Variants in SMG1 observed in about 807,000 individuals in gnomAD.
SMG1 encodes SMG1 nonsense mediated mRNA decay associated PI3K related kinase, also known as serine/threonine-protein kinase SMG1.
SMG1 carries 22 observed loss-of-function variants against 419.9 expected under a neutral mutation model. That is an observed-to-expected ratio of 0.05 (90% CI 0.04 to 0.07). The LOEUF is 0.07. Among genes scored for constraint, SMG1 ranks in the 10% least tolerant of loss-of-function variants. The pLI, the probability that SMG1 is intolerant of heterozygous loss-of-function variation, is 1.00. For synonymous variants in SMG1, 1,538 were observed against 1,553.5 expected (o/e 0.99, Z 0.23); for missense variants, 3,185 against 4,342.0 (o/e 0.73, Z 7.49).
Position 18,836,114 on chromosome 16 carries a change from G to A in SMG1, c.7876C>T (p.Leu2626Phe), listed in dbSNP as rs765726542. Residue 2626 changes from leucine (L) to phenylalanine (F), a missense_variant, in exon 48 of 63, where the codon CTC (leucine) becomes TTC (phenylalanine). This residue lies in a region of SMG1 where 412 missense variants were observed against 546.6 expected (regional missense o/e 0.75). Coordinates refer to ENST00000446231, the MANE Select transcript of SMG1 (RefSeq NM_015092.5). ...AGCACGGAGCGCCTCTGCTGCAGGA[G>A]AGCACCAACCTCCCCCTCCAGCTGC... ...CEQLEGEVGA[L>F]LQQRRSVLRG... 5 of 1,609,562 alleles carry A rather than the reference G, an allele frequency of 3.1e-6. No individual in the cohort carries two copies. Among genetic ancestry groups the A allele is most frequent in the Non-Finnish European group, 4.2e-6 (5 of 1,177,956 alleles).
In SMG1 at chr16:18,834,972, T is replaced by C. The variant is rs775470863; in HGVS notation, c.8250A>G (p.Lys2750=). Residue 2750 remains lysine, a synonymous_variant, in exon 49 of 63, where the codon AAA becomes AAG. Transcript: ENST00000446231. ...CTTCTCCATTCTCATGAAGGAAAAC[T>C]TTAATGCAACGTTCAATTTCTTTCA... The part of the protein sequence containing the change: ...DQLKEIERCI[K]VFLHENGEEG... 16 of 1,613,916 alleles carry C rather than the reference T, an allele frequency of 9.9e-6. No individual in the cohort carries two copies. The Admixed American group carries it at 1.5e-4, about 15-fold the overall frequency.
chr16:18,850,292 A>C lies in SMG1; in HGVS notation c.5228T>G (p.Leu1743Arg). ...GTATGCACTGCAAGAGAGTTTGTAC[A>C]GGCTGAATATTCTATCTACAACTTT... ...WRKVVDRIFS[L>R]YKLSCSAYFT... is the part of the protein sequence containing the mutation. Residue 1743 changes from leucine to arginine, a missense_variant, in exon 34 of 63, where the codon CTG becomes CGG. Transcript: ENST00000446231. The C allele has an allele frequency of 6.2e-7, 1 of 1,613,678 alleles. No homozygotes were observed. The highest frequency in any genetic ancestry group is 8.5e-7 in the Non-Finnish European group (1 of 1,179,680).
At chr16:18,850,500 A>C in intron 33 of SMG1, 33 bp from the exon 34 acceptor site, 1 of 1,461,420 alleles carries the variant, frequency 6.8e-7, no homozygotes, top group Non-Finnish European at 9.5e-7. Flanking sequence ...ATGCTATTTT[A>C]AATACAAACT....
chr16:18,819,746 A>C, intron 55 of SMG1, 92 bp from the exon 56 acceptor site: 2 of 1,279,678 alleles, frequency 1.6e-6, no homozygotes, highest in Non-Finnish European at 1.0e-6. Context: ...AAGATTCAAA[A>C]GAACCAGGGT....
At chr16:18,923,210 A>C (rs575126271) in intron 1 of SMG1, among the ~76,000 whole-genome samples, 1 of 152,292 alleles carries the variant, frequency 6.6e-6, no homozygotes, top group South Asian at 2.1e-4. Context: ...TTGCCATAAG[A>C]CATTCACGTA....
intron 6 of SMG1, among the ~76,000 whole-genome samples, chr16:18,887,533 T>TTTTTTTTTTTTTTTTTA: frequency 7.0e-6 from 1 of 141,902 alleles, no homozygotes; most frequent in African/African-American, 2.6e-5. Context: ...TTTTTTTTTT[T>TTTTTTTTTTTTTTTTTA]AATAGAAACA....
intron 46 of SMG1, 112 bp from the exon 47 acceptor site, chr16:18,836,644 C>T: frequency 1.9e-6 from 2 of 1,038,726 alleles, no homozygotes; most frequent in South Asian, 1.6e-5. Flanking sequence ...TCCTTGTTCA[C>T]CTTGAGGGCC....
intron 23 of SMG1, among the ~76,000 whole-genome samples, chr16:18,865,190 G>A (rs1323959178): frequency 5.9e-5 from 9 of 152,164 alleles, no homozygotes; most frequent in African/African-American, 9.7e-5. Context: ...GAGAGGCCAC[G>A]AAGACATGAT....
chr16:18,848,082 TG>T lies in SMG1; in HGVS notation c.5624-50del, dbSNP rs1453439017. The T allele has an allele frequency of 6.0e-6, 9 of 1,489,860 alleles. No homozygotes were observed. The Admixed American group carries it at 1.5e-4, about 25-fold the overall frequency. The allele number at this position is 1,489,860 out of a possible 1,614,324, so 92.3% of individuals were successfully genotyped here. ...GAATATTTTGAACATTTCTCCCATG[TG>T]CATATGCTAGGTTAGGGAAAACACT... On this transcript the variant is annotated intron_variant, in intron 36 of 62. Coordinates refer to ENST00000446231, the MANE Select transcript of SMG1 (RefSeq NM_015092.5).
intron 39 of SMG1, among the ~76,000 whole-genome samples, chr16:18,844,502 C>T (rs1175161259): frequency 9.0e-6 from 1 of 111,140 alleles, no homozygotes; most frequent in Non-Finnish European, 1.8e-5. Flanking sequence ...CACACACACA[C>T]ACACACACAC....
At chr16:18,836,646 T>C in intron 46 of SMG1, 114 bp from the exon 47 acceptor site, 2 of 1,043,464 alleles carry the variant, frequency 1.9e-6, no homozygotes, top group East Asian at 2.4e-5. Context: ...CTTGTTCACC[T>C]TGAGGGCCCT....
In SMG1 at chr16:18,811,790, G is replaced by A. The variant is rs747808155; in HGVS notation, c.10879C>T (p.Pro3627Ser). 3 of 1,613,934 alleles carry A rather than the reference G, an allele frequency of 1.9e-6. No homozygotes were observed. The Admixed American group carries it at 5.0e-5, about 27-fold the overall frequency. ...TCAGCAACTGACATCCTCCTATTCGGATCAACATCTCGGCCCTCTAACTTG... is the reference window on the plus strand; with the variant it reads ...TCAGCAACTGACATCCTCCTATTCGAATCAACATCTCGGCCCTCTAACTTG... ...KAKLEGRDVDPNRRMSVAEQV... is the reference protein window; with the variant it reads ...KAKLEGRDVDSNRRMSVAEQV... Residue 3627 changes from proline (P) to serine (S), a missense_variant, in exon 62 of 63, where the codon CCG (proline) becomes TCG (serine). By Grantham distance (74) the Pro-to-Ser change is moderately conservative. This residue lies in a region of SMG1 where 41 missense variants were observed against 78.7 expected (regional missense o/e 0.52). Coordinates refer to ENST00000446231, the MANE Select transcript of SMG1 (RefSeq NM_015092.5).
intron 1 of SMG1, among the ~76,000 whole-genome samples, chr16:18,915,104 T>TG (rs2037921361): frequency 1.3e-5 from 2 of 152,032 alleles, no homozygotes; most frequent in Admixed American, 1.3e-4. Flanking sequence ...CCTGAATAGC[T>TG]GGGACTACAG....
At chr16:18,897,369 A>G (rs1462087153) in intron 1 of SMG1, among the ~76,000 whole-genome samples, 7 of 152,184 alleles carry the variant, frequency 4.6e-5, no homozygotes, top group African/African-American at 1.2e-4. Context: ...ATCAGTCAAA[A>G]AATTTCAGCC....
At chr16:18,840,917 G>T (rs2033879319) in intron 41 of SMG1, among the ~76,000 whole-genome samples, 1 of 152,086 alleles carries the variant, frequency 6.6e-6, no homozygotes, top group Non-Finnish European at 1.5e-5. Flanking sequence ...ATTTTTGGCT[G>T]GGTGTGGTGG....
Position 18,849,368 on chromosome 16 carries a change from C to T in SMG1, c.5472G>A (p.Pro1824=), listed in dbSNP as rs371596469. 1.1e-5 allele frequency: 18 copies of T among 1,609,590 alleles called. No individual in the cohort carries two copies. The African/African-American group carries it at 1.5e-4, about 13-fold the overall frequency. ...GGTGGTTTAAGCGTGAGAAAAGTTGCGGAATAATTCCTTCAGGACAAGAAG... is the reference window on the plus strand; with the variant it reads ...GGTGGTTTAAGCGTGAGAAAAGTTGTGGAATAATTCCTTCAGGACAAGAAG... ...TPTAPWRGII[P]QLFSRLNHPE... Residue 1824 remains proline, a synonymous_variant, in exon 36 of 63, where the codon CCG becomes CCA. Transcript: ENST00000446231.
At chr16:18,839,126 G>A (rs958575469) in intron 42 of SMG1, among the ~76,000 whole-genome samples, 2 of 152,118 alleles carry the variant, frequency 1.3e-5, no homozygotes, top group Admixed American at 1.3e-4. Context: ...GATTACAGAT[G>A]TGAGCCACTG....
At chr16:18,812,190 A>G (rs769393316) in intron 60 of SMG1, 63 bp from the exon 61 acceptor site, 3 of 1,517,492 alleles carry the variant, frequency 2.0e-6, no homozygotes, top group Non-Finnish European at 1.8e-6. Context: ...GGCAGAGTGG[A>G]GCAAGCACGG....
chr16:18,864,014 G>A lies in SMG1; in HGVS notation c.3481C>T (p.His1161Tyr), dbSNP rs949008929. 6.5e-7 allele frequency: 1 copy of A among 1,549,958 alleles called. No homozygotes were observed. The highest frequency in any genetic ancestry group is 8.7e-7 in the Non-Finnish European group (1 of 1,146,978). Residue 1161 changes from histidine to tyrosine, a missense_variant, in exon 24 of 63, where the codon CAT becomes TAT. By Grantham distance (83) the His-to-Tyr change is moderately conservative. Around this residue, in one of 27 missense-constraint regions of SMG1, gnomAD observed 121 missense variants for 125.4 expected, o/e 0.96. Transcript: ENST00000446231. ...ACTGAACGCTCACCATTCAGAGAATGTTTCGGGCTGGCACTGTTACGCCCA... is the reference window on the plus strand; with the variant it reads ...ACTGAACGCTCACCATTCAGAGAATATTTCGGGCTGGCACTGTTACGCCCA... ...NAGRNSASPK[H>Y]SLNGESRKTV...
Sources: allele counts gnomAD v4.1 joint callset (sites outside exome capture counted in the v4.1 genomes callset), GRCh38; gene constraint gnomAD v4.1.1; regional missense constraint gnomAD v4.1.1; transcripts MANE v1.5; gene names NCBI Gene and HGNC (gene_info 2026-07-23, HGNC 2026-07-21).